The following AOPEP variants were observed in gnomAD, a reference collection of about 807,000 sequenced individuals.
AOPEP encodes aminopeptidase O (putative).
Under a neutral mutation model 98.1 loss-of-function variants are expected in AOPEP, and 77 were observed. That is an observed-to-expected ratio of 0.78 (90% CI 0.65 to 0.95). The LOEUF is 0.95. AOPEP is among the 40% of genes least tolerant of loss of function. The probability of loss-of-function intolerance (pLI) is 0.00; values close to 1 mark genes in which losing one functional copy is unlikely to be tolerated. For synonymous variants in AOPEP, 346 were observed against 365.3 expected, an observed-to-expected ratio of 0.95 and a Z score of 0.60; for missense variants, 1,024 against 1,024.7, an observed-to-expected ratio of 1.00 and a Z score of 0.01.
chr9:95,005,924 C>T (rs2061978088), intron 13 of AOPEP: 1 of 526,536 alleles, frequency 1.9e-6, no homozygotes, highest in Non-Finnish European at 3.6e-6. Flanking sequence ...TGTTAAGGTA[C>T]CTCTGAAAAA....
the AOPEP span, among the ~76,000 whole-genome samples, chr9:95,149,144 AATT>A: frequency 6.6e-6 from 1 of 152,166 alleles, no homozygotes; most frequent in Non-Finnish European, 1.5e-5. Context: ...CGTGTAATAA[AATT>A]ATTTTTATTT....
At chr9:95,062,545 C>T (rs1174908725) in intron 14 of AOPEP, among the ~76,000 whole-genome samples, 3 of 152,192 alleles carry the variant, frequency 2.0e-5, no homozygotes, top group South Asian at 2.1e-4. Context: ...GCTGCCATCC[C>T]GGTCTGTCCC....
At chr9:95,105,424 A>G in the AOPEP span, among the ~76,000 whole-genome samples, 1 of 152,224 alleles carries the variant, frequency 6.6e-6, no homozygotes. Context: ...CTGTATGTAT[A>G]TGTCAACAAA....
At chr9:95,110,696 C>T in the AOPEP span, 1 of 1,057,502 alleles carries the variant, frequency 9.5e-7, no homozygotes, top group Non-Finnish European at 1.1e-6. Flanking sequence ...AAGCAGGGCT[C>T]TATACAAAAT....
At chr9:94,889,163 T>C (rs1390885185) in intron 5 of AOPEP, among the ~76,000 whole-genome samples, 1 of 152,118 alleles carries the variant, frequency 6.6e-6, no homozygotes, top group East Asian at 1.9e-4. Flanking sequence ...CCGGCTAATT[T>C]TTGTATTTTT....
At chr9:94,977,394 ACAGGC>A (rs1390751652) in intron 10 of AOPEP, among the ~76,000 whole-genome samples, 10 of 152,078 alleles carry the variant, frequency 6.6e-5, no homozygotes, top group African/African-American at 2.4e-4. Context: ...ATTTAGAGGC[ACAGGC>A]CTGTTTTCTT....
At chr9:95,118,665 G>C in the AOPEP span, among the ~76,000 whole-genome samples, 3 of 152,192 alleles carry the variant, frequency 2.0e-5, no homozygotes, top group African/African-American at 7.2e-5. Context: ...GGAACATAAA[G>C]TATGTTTTCT....
intron 1 of AOPEP, among the ~76,000 whole-genome samples, chr9:94,730,459 A>G (rs1003310696): frequency 6.6e-6 from 1 of 152,140 alleles, no homozygotes; most frequent in African/African-American, 2.4e-5. Context: ...AGGCGTAGTG[A>G]CCATTGTTCA....
At chr9:94,787,764 G>A (rs1327403402) in intron 3 of AOPEP, among the ~76,000 whole-genome samples, 1 of 152,124 alleles carries the variant, frequency 6.6e-6, no homozygotes, top group Non-Finnish European at 1.5e-5. Context: ...AAAGAGTCAA[G>A]TAATTCTGAT....
At chr9:95,134,728 G>C in the AOPEP span, among the ~76,000 whole-genome samples, 1 of 152,218 alleles carries the variant, frequency 6.6e-6, no homozygotes, top group Non-Finnish European at 1.5e-5. Context: ...AGTCAGTGGT[G>C]GCGAGGGCCA....
intron 13 of AOPEP, among the ~76,000 whole-genome samples, chr9:95,035,700 T>C (rs1307346245): frequency 2.0e-5 from 3 of 151,842 alleles, no homozygotes; most frequent in African/African-American, 7.3e-5. Flanking sequence ...GTATTTTTTT[T>C]AGTAGAGACG....
chr9:94,950,631 C>T (rs2058036203), intron 7 of AOPEP, among the ~76,000 whole-genome samples: 1 of 152,228 alleles, frequency 6.6e-6, no homozygotes. Context: ...CCTGGTGGGG[C>T]AGCTGCGACT....
At chr9:95,114,732 T>C in the AOPEP span, 5 of 1,606,608 alleles carry the variant, frequency 3.1e-6, no homozygotes, top group Non-Finnish European at 4.3e-6. Flanking sequence ...GAGAGATACG[T>C]CAGAGGGCAA....
chr9:95,117,090 TTTTG>T, the AOPEP span, among the ~76,000 whole-genome samples: 2 of 152,208 alleles, frequency 1.3e-5, no homozygotes, highest in Non-Finnish European at 2.9e-5. Flanking sequence ...GCCATTGTTT[TTTTG>T]TTTGTTTTCT....
intron 9 of AOPEP, among the ~76,000 whole-genome samples, chr9:94,964,494 C>T (rs1249920905): frequency 6.6e-6 from 1 of 151,994 alleles, no homozygotes. Context: ...AATTAAATTC[C>T]CCCCGTTGCC....
chr9:95,080,131 A>G lies in AOPEP; in HGVS notation c.2233-563A>G, dbSNP rs2069572470. Among the ~76,000 whole-genome samples, 3 of 152,238 alleles carry G rather than the reference A, an allele frequency of 2.0e-5. No homozygotes were observed. The South Asian group carries it at 6.2e-4, about 31-fold the overall frequency. ...TTATGCTTTGCGTTTAGTATCTGTC[A>G]TCTTGCAAAATCATGTTTAAAACAG... On this transcript the variant is annotated intron_variant, in intron 14 of 16. Coordinates refer to ENST00000375315, the MANE Select transcript of AOPEP (RefSeq NM_001193329.3).
the AOPEP span, among the ~76,000 whole-genome samples, chr9:95,105,620 T>C: frequency 1.3e-5 from 2 of 152,206 alleles, no homozygotes; most frequent in African/African-American, 4.8e-5. Flanking sequence ...GGCCGTCTCC[T>C]GCCCCTTTCC....
At chr9:94,919,055 C>T (rs1163560897) in intron 5 of AOPEP, among the ~76,000 whole-genome samples, 1 of 152,092 alleles carries the variant, frequency 6.6e-6, no homozygotes, top group East Asian at 1.9e-4. Flanking sequence ...GCTGGGATTA[C>T]AGGCACCTGC....
chr9:95,124,651 C>G, the AOPEP span, among the ~76,000 whole-genome samples: 1 of 152,188 alleles, frequency 6.6e-6, no homozygotes, highest in Non-Finnish European at 1.5e-5. Context: ...AATGAAGATG[C>G]TAATAATTAA....
Sources: gnomAD v4.1 joint callset for allele counts (sites outside exome capture counted in the v4.1 genomes callset) on GRCh38, gnomAD v4.1.1 for gene constraint, MANE v1.5 for transcripts, NCBI Gene and HGNC (gene_info 2026-07-23, HGNC 2026-07-21) for gene names.